Variants in HK1 observed in about 807,000 individuals in gnomAD.
The protein encoded by HK1 is hexokinase-1.
A neutral mutation model predicts 91.6 loss-of-function variants in HK1; 28 were observed. That is an observed-to-expected ratio of 0.31 (90% CI 0.23 to 0.42). HK1 has a LOEUF of 0.42. HK1 is among the 10% of genes least tolerant of loss of function. The pLI is 1.00. For missense variants in HK1, 770 were observed against 1,219.8 expected (o/e 0.63, Z 5.49); for synonymous variants, 430 against 468.1 (o/e 0.92, Z 1.05).
chr10:69,355,950 C>A (rs11597346), intron 2 of HK1, among the ~76,000 whole-genome samples: 10,912 of 152,204 alleles, frequency 0.072, 695 homozygotes, highest in African/African-American at 0.16. Flanking sequence ...GAAGTTTGAC[C>A]TACACCTCAT....
chr10:69,290,776 A>C (rs1459091751), intron 3 of HK1, among the ~76,000 whole-genome samples: 2 of 152,160 alleles, frequency 1.3e-5, no homozygotes, highest in Non-Finnish European at 2.9e-5. Flanking sequence ...CTGTGATTAC[A>C]GGCGTGAACC....
chr10:69,374,398 G>A (rs1006480495), intron 7 of HK1, among the ~76,000 whole-genome samples: 7 of 152,358 alleles, frequency 4.6e-5, no homozygotes, highest in African/African-American at 1.7e-4. Context: ...CTGCCTGTCT[G>A]TGGTCGTAGG....
At chr10:69,290,498 TTTG>T (rs1042732354) in intron 3 of HK1, among the ~76,000 whole-genome samples, 11 of 152,174 alleles carry the variant, frequency 7.2e-5, no homozygotes, top group East Asian at 1.9e-4. Context: ...CGTTTGTTTG[TTTG>T]TTGTTGTTGT....
chr10:69,356,742 G>A (rs1229507762), intron 2 of HK1, among the ~76,000 whole-genome samples: 1 of 151,978 alleles, frequency 6.6e-6, no homozygotes, highest in East Asian at 1.9e-4. Flanking sequence ...AATTAGCCAG[G>A]CGTGGTGGTG....
intron 2 of HK1, among the ~76,000 whole-genome samples, chr10:69,354,499 C>T (rs567892138): frequency 6.6e-6 from 1 of 152,246 alleles, no homozygotes; most frequent in East Asian, 1.9e-4. Context: ...CATGAGAACC[C>T]ACTCACTATC....
In HK1 at chr10:69,354,453, G is replaced by A. The variant is rs554472783; in HGVS notation, c.227-5444G>A. Among the ~76,000 whole-genome samples, 8 of 152,292 alleles carry A rather than the reference G, an allele frequency of 5.3e-5. No individual in the cohort carries two copies. The South Asian group carries it at 1.2e-3, about 24-fold the overall frequency. On this transcript the variant is annotated intron_variant, in intron 2 of 17. Coordinates refer to ENST00000359426, the MANE Select transcript of HK1 (RefSeq NM_000188.3). ...GCGGCAGGAAGGAGAAGTGCTGAGC[G>A]AAGGGGGAAGAGCTCCTTATAAAAC...
Position 69,392,718 on chromosome 10 carries a change from T to G in HK1, c.2219+410T>G, listed in dbSNP as rs182645079. 5.8e-3 allele frequency among the ~76,000 whole-genome samples: 885 copies of G among 151,570 alleles called. 6 individuals are homozygous for G. Among genetic ancestry groups the G allele is most frequent in the African/African-American group, 0.02 (832 of 40,902 alleles). ...GAGCCTCCTGCACCACCTAGTGGCC[T>G]TGTGGAGCTTTGCAGCTCAGGTCTC... On this transcript the variant is annotated intron_variant, in intron 15 of 17. Transcript: ENST00000359426.
intron 4 of HK1, chr10:69,296,127 A>G (rs939867405): frequency 5.1e-6 from 1 of 196,660 alleles, no homozygotes; most frequent in Non-Finnish European, 1.1e-5. Context: ...TCCTGTCGAC[A>G]TATCCCATTT....
At chr10:69,324,223 T>C (rs1847198814) in intron 1 of HK1, among the ~76,000 whole-genome samples, 1 of 152,220 alleles carries the variant, frequency 6.6e-6, no homozygotes, top group African/African-American at 2.4e-5. Context: ...TTTTTTATTA[T>C]GTGCAGAGGA....
intron 2 of HK1, among the ~76,000 whole-genome samples, chr10:69,283,807 A>AAAAAAAAAAG (rs1246980843): frequency 6.7e-6 from 1 of 150,180 alleles, no homozygotes; most frequent in Non-Finnish European, 1.5e-5. Context: ...TCAAAAAAAA[A>AAAAAAAAAAG]AAAAAAAAAA....
intron 3 of HK1, among the ~76,000 whole-genome samples, chr10:69,362,478 C>T (rs1050382397): frequency 4.0e-5 from 6 of 148,762 alleles, no homozygotes; most frequent in Non-Finnish European, 7.4e-5. Context: ...GAGTTCAGAG[C>T]GGTTAGGTGA....
intron 14 of HK1, among the ~76,000 whole-genome samples, chr10:69,391,821 G>A (rs1839909130): frequency 6.6e-6 from 1 of 152,082 alleles, no homozygotes; most frequent in Non-Finnish European, 1.5e-5. Context: ...TACCATTGAT[G>A]CTCCATCTCT....
rs1839925149 is a variant in HK1 at position 69,392,192 on chromosome 10, G to A, written c.2103G>A (p.Gly701=). ...TGGAGATGGTGGAGGGGGACCAGGGGCAGATGTGCATCAACATGGAGTGGG... is the reference window on the plus strand; with the variant it reads ...TGGAGATGGTGGAGGGGGACCAGGGACAGATGTGCATCAACATGGAGTGGG... The part of the protein sequence containing the change: ...KNVEMVEGDQ[G]QMCINMEWGA... The change falls in exon 15 of 18, where the codon GGG becomes GGA. Residue 701 remains glycine, a synonymous_variant. Coordinates refer to ENST00000359426, the MANE Select transcript of HK1 (RefSeq NM_000188.3). 5 of 1,614,198 alleles carry A rather than the reference G, an allele frequency of 3.1e-6. No homozygotes were observed. Among genetic ancestry groups the A allele is most frequent in the Non-Finnish European group, 3.4e-6 (4 of 1,180,038 alleles).
In HK1 at chr10:69,276,118, A is replaced by AAAAAAATATATAT; in HGVS notation, c.-391+6011_-391+6012insAAAAATATATATA. Reference sequence around the variant, plus strand: ...AAAAAAAAAAAAAAAAAAAAAAAAAAATACATATATATATATATATACACA... The same window carrying AAAAAAATATATAT: ...AAAAAAAAAAAAAAAAAAAAAAAAAAAAAAAATATATATATACATATATATATATATATACACA... On this transcript the variant is annotated intron_variant, in intron 1 of 21. Transcript: ENST00000360289. Among the ~76,000 whole-genome samples the AAAAAAATATATAT allele has an allele frequency of 2.1e-3, 81 of 38,258 alleles. 9 individuals carry two copies. Among genetic ancestry groups the AAAAAAATATATAT allele is most frequent in the Middle Eastern group, 0.059 (2 of 34 alleles). The allele number at this position is 38,258 out of a possible 152,430, so 25.1% of individuals were successfully genotyped here.
At chr10:69,350,024 C>A (rs936110392) in intron 2 of HK1, among the ~76,000 whole-genome samples, 14 of 152,210 alleles carry the variant, frequency 9.2e-5, no homozygotes, top group African/African-American at 3.1e-4. Context: ...TCTCCTCTTA[C>A]AGTGGCAGGG....
At chr10:69,327,000 C>CTTTTTTT (rs1042738695) in intron 1 of HK1, among the ~76,000 whole-genome samples, 18 of 110,928 alleles carry the variant, frequency 1.6e-4, no homozygotes, top group South Asian at 3.1e-4. Flanking sequence ...TGGTTTTAAA[C>CTTTTTTT]TTTTTTTTTT....
chr10:69,338,297 G>C (rs1170358260), intron 1 of HK1: 1 of 1,179,270 alleles, frequency 8.5e-7, no homozygotes, highest in Non-Finnish European at 1.1e-6. Context: ...GAGGCTGGAT[G>C]CGGGTTCTCA....
At chr10:69,389,874 A>G (rs1839817870) in intron 14 of HK1, among the ~76,000 whole-genome samples, 1 of 152,180 alleles carries the variant, frequency 6.6e-6, no homozygotes, top group African/African-American at 2.4e-5. Context: ...AATCCAAAAC[A>G]CATTAGGGGT....
chr10:69,338,924 C>G (rs182128991), intron 1 of HK1, among the ~76,000 whole-genome samples: 1 of 152,130 alleles, frequency 6.6e-6, no homozygotes, highest in Non-Finnish European at 1.5e-5. Flanking sequence ...AGCCTTTCTT[C>G]CTGGGTTTCT....
Sources: gnomAD v4.1 joint callset for allele counts (sites outside exome capture counted in the v4.1 genomes callset) on GRCh38, gnomAD v4.1.1 for gene constraint, MANE v1.5 for transcripts, NCBI Gene and HGNC (gene_info 2026-07-23, HGNC 2026-07-21) for gene names.